Variants in MGST3 observed in about 807,000 individuals in gnomAD.
MGST3 encodes the protein glutathione S-transferase 3, mitochondrial.
In MGST3, 13 loss-of-function variants were observed where a neutral mutation model predicts 15.8. The observed-to-expected ratio is 0.82, with a 90% confidence interval of 0.54 to 1.31. The LOEUF is 1.31. Ranked by LOEUF, MGST3 falls within the 50% of genes most tolerant of loss-of-function variation. MGST3 has a pLI of 0.00. For missense variants in MGST3, 155 were observed against 192.4 expected, an observed-to-expected ratio of 0.81 and a Z score of 1.15; for synonymous variants, 49 against 68.1, an observed-to-expected ratio of 0.72 and a Z score of 1.38.
rs937132120 is a variant in MGST3 at position 165,649,662 on chromosome 1, T to A, written c.-7-179T>A. 14 of 675,738 alleles carry A rather than the reference T, an allele frequency of 2.1e-5. No homozygotes were observed. In the African/African-American group the frequency reaches 2.5e-4, roughly 12 times the overall value. 41.9% of individuals were successfully genotyped at this position (675,738 alleles called of 1,614,324 possible). ...ATAGACTGCATAGTTGAGTAATTTT[T>A]AAATTATTTTATATGGTACTGTCTT... On this transcript the variant is annotated intron_variant, in intron 1 of 5. Coordinates refer to ENST00000367889, the MANE Select transcript of MGST3 (RefSeq NM_004528.4).
rs1049810354 is a variant in MGST3, at chr1:165,642,606, AATAT to A, written c.-7-7231_-7-7228del. On this transcript the variant is annotated intron_variant, in intron 1 of 5. Coordinates refer to ENST00000367889, the MANE Select transcript of MGST3 (RefSeq NM_004528.4). ...AACATTAGCATATGTAACGTAACAT[AATAT>A]ATAACATTTACTGAGTCCTTCCTAT... 6.2e-4 allele frequency among the ~76,000 whole-genome samples: 95 copies of A among 152,384 alleles called. 1 individual carries two copies. The highest frequency in any genetic ancestry group is 2.2e-3 in the African/African-American group (92 of 41,586).
chr1:165,641,059 T>C (rs1648250538), intron 1 of MGST3, among the ~76,000 whole-genome samples: 1 of 152,136 alleles, frequency 6.6e-6, no homozygotes, highest in African/African-American at 2.4e-5. Flanking sequence ...GGTGGGCACC[T>C]ATAATCCCTG....
intron 1 of MGST3, among the ~76,000 whole-genome samples, chr1:165,633,439 C>T (rs1351400044): frequency 6.6e-6 from 1 of 151,942 alleles, no homozygotes; most frequent in East Asian, 1.9e-4. Flanking sequence ...TTATTTCCAC[C>T]CTTCATTTTT....
chr1:165,638,346 G>T (rs1044377940), intron 1 of MGST3, among the ~76,000 whole-genome samples: 4 of 151,608 alleles, frequency 2.6e-5, no homozygotes, highest in Non-Finnish European at 4.4e-5. Context: ...TGGGCATGGT[G>T]GCACACACCT....
Position 165,655,604 on chromosome 1 carries a change from C to G in MGST3, c.*100C>G. 1.4e-6 allele frequency: 2 copies of G among 1,408,744 alleles called. No individual in the cohort carries two copies. The highest frequency in any genetic ancestry group is 2.0e-6 in the Non-Finnish European group (2 of 1,021,114). 87.3% of individuals were successfully genotyped at this position (1,408,744 alleles called of 1,614,324 possible). A position where few individuals can be genotyped will look rare whatever the true frequency, so the allele number is the denominator to read the frequency against. On this transcript the variant is annotated 3_prime_UTR_variant, in exon 6 of 6. Coordinates refer to ENST00000367889, the MANE Select transcript of MGST3 (RefSeq NM_004528.4). ...AATATAATAAAAACTTACCTGGCAT[C>G]AGCCTCATACCTAAAACTCCTGACT...
chr1:165,655,521 A>T lies in MGST3; in HGVS notation c.*17A>T. ...TGCCATTAAAGAATTATAGGGGTTT[A>T]AAAACTCTCATTCATTTTAAATGAC... On this transcript the variant is annotated 3_prime_UTR_variant, in exon 6 of 6. Transcript: ENST00000367889. 6.2e-7 allele frequency: 1 copy of T among 1,613,982 alleles called. No individual in the cohort carries two copies. The highest frequency in any genetic ancestry group is 8.5e-7 in the Non-Finnish European group (1 of 1,179,924).
At chr1:165,646,839 C>T (rs1648417719) in intron 1 of MGST3, 1 of 152,242 alleles carries the variant, frequency 6.6e-6, no homozygotes, top group Admixed American at 6.5e-5. Flanking sequence ...AAGCAGGACA[C>T]CTCACTTGGT....
At chr1:165,651,317 C>G (rs1571155970) in intron 3 of MGST3, 1 of 576,172 alleles carries the variant, frequency 1.7e-6, no homozygotes, top group East Asian at 3.0e-5. Flanking sequence ...AAAATGTCTT[C>G]ATGGTTGCAT....
intron 3 of MGST3, 93 bp from the exon 4 acceptor site, chr1:165,651,885 T>G (rs1648567265): frequency 5.5e-6 from 2 of 362,040 alleles, no homozygotes; most frequent in South Asian, 4.3e-5. Context: ...ACAGAGACAC[T>G]CCGTCTCAAA....
intron 1 of MGST3, among the ~76,000 whole-genome samples, chr1:165,638,943 C>G (rs75792549): frequency 1.3e-5 from 2 of 151,914 alleles, no homozygotes; most frequent in Admixed American, 6.6e-5. Context: ...GCAAGGATGT[C>G]GGCACTTGCC....
At chr1:165,643,272 C>G (rs1182846748) in intron 1 of MGST3, among the ~76,000 whole-genome samples, 3 of 151,626 alleles carry the variant, frequency 2.0e-5, no homozygotes, top group African/African-American at 7.3e-5. Flanking sequence ...TTTAACTGGC[C>G]CTCTATTATT....
Position 165,651,024 on chromosome 1 carries a change from T to G in MGST3, c.128T>G (p.Met43Arg). 1 of 1,614,208 alleles carries G rather than the reference T, an allele frequency of 6.2e-7. No homozygotes were observed. Among genetic ancestry groups the G allele is most frequent in the Non-Finnish European group, 8.5e-7 (1 of 1,180,008 alleles). The stretch of plus-strand genomic sequence containing the variant: ...GCTTTGTTGTGACAGTATCCTATCA[T>G]GTACAGCACGGACCCTGAAAATGGG... ...RKKYKVEYPI[M>R]YSTDPENGHI... The change falls in exon 3 of 6, where the codon ATG (methionine) becomes AGG (arginine). Residue 43 changes from methionine (M) to arginine (R), a missense_variant. Coordinates refer to ENST00000367889, the MANE Select transcript of MGST3 (RefSeq NM_004528.4).
intron 1 of MGST3, among the ~76,000 whole-genome samples, chr1:165,641,253 T>C (rs977080154): frequency 6.6e-6 from 1 of 152,242 alleles, no homozygotes; most frequent in Admixed American, 6.5e-5. Context: ...TCTCCTGTCA[T>C]CATTCGAAGG....
In MGST3 at chr1:165,654,265, C is replaced by T; in HGVS notation, c.250-14C>T. Reference sequence around the variant, plus strand: ...TTCTTTCATGCAAATACTAATGTAGCCCTTTTTTCTTAGCGTATAGCTTCT... The same window carrying T: ...TTCTTTCATGCAAATACTAATGTAGTCCTTTTTTCTTAGCGTATAGCTTCT... On this transcript the variant is annotated splice_polypyrimidine_tract_variant and intron_variant, in intron 4 of 5. Transcript: ENST00000367889. The T allele has an allele frequency of 6.2e-7, 1 of 1,613,378 alleles. No individual in the cohort carries two copies. Among genetic ancestry groups the T allele is most frequent in the East Asian group, 2.2e-5 (1 of 44,870 alleles).
intron 1 of MGST3, among the ~76,000 whole-genome samples, chr1:165,635,296 T>G (rs1438246803): frequency 6.6e-6 from 1 of 152,228 alleles, no homozygotes; most frequent in Non-Finnish European, 1.5e-5. Flanking sequence ...ACCTGGAATT[T>G]ATTCTGTCTT....
chr1:165,643,114 A>G (rs1648303867), intron 1 of MGST3, among the ~76,000 whole-genome samples: 1 of 152,250 alleles, frequency 6.6e-6, no homozygotes, highest in African/African-American at 2.4e-5. Flanking sequence ...TCTATTATTA[A>G]GAAAACCAAG....
intron 1 of MGST3, chr1:165,632,052 C>T (rs936047127): frequency 1.7e-6 from 1 of 585,954 alleles, no homozygotes; most frequent in African/African-American, 1.9e-5. Context: ...CTGGAGACTC[C>T]TTAGTGAGTC....
intron 2 of MGST3, 165 bp from the exon 3 acceptor site, chr1:165,650,849 A>G (rs527929966): frequency 1.5e-6 from 1 of 669,488 alleles, no homozygotes; most frequent in East Asian, 2.7e-5. Flanking sequence ...GCTTCTGAGA[A>G]TTGAGACCCT....
intron 3 of MGST3, chr1:165,651,526 G>T: frequency 3.2e-6 from 1 of 310,140 alleles, no homozygotes; most frequent in Non-Finnish European, 6.2e-6. Context: ...AAAGGAGGGT[G>T]GATGATAGTG....
Sources: gnomAD v4.1 joint callset for allele counts (sites outside exome capture counted in the v4.1 genomes callset) on GRCh38, gnomAD v4.1.1 for gene constraint, MANE v1.5 for transcripts, NCBI Gene and HGNC (gene_info 2026-07-23, HGNC 2026-07-21) for gene names.